The following LRCH2 variants were observed in gnomAD, a reference collection of about 807,000 sequenced individuals.
The protein encoded by LRCH2 is leucine rich repeats and calponin homology domain containing 2.
In LRCH2, 38 loss-of-function variants were observed where a neutral mutation model predicts 68.9. The ratio of observed to expected loss-of-function variants is 0.55; its 90% CI spans 0.43 to 0.72. LRCH2 has a LOEUF of 0.72. Among genes scored for constraint, LRCH2 ranks in the 30% least tolerant of loss-of-function variants. The probability of loss-of-function intolerance (pLI) is 0.00; values close to 1 mark genes in which losing one functional copy is unlikely to be tolerated. For missense variants in LRCH2, 528 were observed against 572.9 expected, an observed-to-expected ratio of 0.92 and a Z score of 0.80; for synonymous variants, 191 against 208.1, an observed-to-expected ratio of 0.92 and a Z score of 0.71.
intron 20 of LRCH2, among the ~76,000 whole-genome samples, chrX:115,116,414 C>A (rs1411351989): frequency 9.0e-6 from 1 of 110,650 alleles, no homozygotes. Context: ...AATGGATGAA[C>A]CTTGGAAAAA....
intron 14 of LRCH2, among the ~76,000 whole-genome samples, chrX:115,136,201 C>T (rs1251770823): frequency 9.0e-6 from 1 of 111,620 alleles, no homozygotes; most frequent in Non-Finnish European, 1.9e-5. Context: ...AGGACTGGAA[C>T]ACAAGTGGTT....
intron 11 of LRCH2, among the ~76,000 whole-genome samples, chrX:115,161,660 T>C (rs1211859141): frequency 9.0e-6 from 1 of 111,264 alleles, no homozygotes; most frequent in Non-Finnish European, 1.9e-5. Flanking sequence ...AAAAATATTA[T>C]GTATTTACTA....
chrX:115,211,759 A>ACC (rs781895482), intron 1 of LRCH2, among the ~76,000 whole-genome samples: 9,632 of 109,512 alleles, frequency 0.088, 476 homozygotes, highest in Non-Finnish European at 0.14. Context: ...CAACATCCAC[A>ACC]CACCCCCCCA....
At position 115,146,902 on chromosome X, in the gene LRCH2, TACATAC is replaced by T. The variant is rs200926596; in HGVS notation, c.1695+2919_1695+2924del. Among the ~76,000 whole-genome samples the T allele has an allele frequency of 4.2e-3, 228 of 53,890 alleles. 2 individuals carry two copies. The highest frequency in any genetic ancestry group is 0.017 in the African/African-American group (217 of 12,632). 46.8% of individuals were successfully genotyped at this position (53,890 alleles called of 115,157 possible). On this transcript the variant is annotated intron_variant, in intron 14 of 20. Coordinates refer to ENST00000317135, the MANE Select transcript of LRCH2 (RefSeq NM_020871.4). ...AAGAAATACAGTTGGATTTCTTACA[TACATAC>T]ACACACACACACACACACACACACA...
At chrX:115,144,891 A>G (rs1556535546) in intron 14 of LRCH2, among the ~76,000 whole-genome samples, 1 of 112,075 alleles carries the variant, frequency 8.9e-6, no homozygotes, top group Non-Finnish European at 1.9e-5. Flanking sequence ...TATAGATTCA[A>G]TGCAATCCCT....
chrX:115,206,767 G>T (rs973203724), intron 1 of LRCH2, among the ~76,000 whole-genome samples: 5 of 109,879 alleles, frequency 4.6e-5, no homozygotes, highest in Non-Finnish European at 7.6e-5. Context: ...TAGCGCCGCT[G>T]GGTTAGGGTC....
At chrX:115,225,891 G>A (rs1271345366) in intron 1 of LRCH2, among the ~76,000 whole-genome samples, 3 of 111,932 alleles carry the variant, frequency 2.7e-5, no homozygotes, top group Non-Finnish European at 3.8e-5. Flanking sequence ...AGACTTCATC[G>A]AAATACCTTT....
intron 5 of LRCH2, among the ~76,000 whole-genome samples, chrX:115,178,202 G>A (rs1240722316): frequency 8.9e-6 from 1 of 111,873 alleles, no homozygotes; most frequent in Admixed American, 9.5e-5. Context: ...TTCTGCTGAT[G>A]CAAGTAAGGA....
intron 14 of LRCH2, chrX:115,139,066 TAAAC>T (rs1462309262): frequency 8.9e-6 from 1 of 111,998 alleles, no homozygotes; most frequent in Non-Finnish European, 1.9e-5. Context: ...GAGTGGAAAA[TAAAC>T]AAATGTGTAA....
chrX:115,153,820 A>G (rs1345362018), intron 12 of LRCH2, among the ~76,000 whole-genome samples: 4 of 111,273 alleles, frequency 3.6e-5, no homozygotes, highest in African/African-American at 1.3e-4. Context: ...AAATTTTTAA[A>G]TATAATTCAA....
At chrX:115,193,518 C>T (rs2147335752) in intron 1 of LRCH2, among the ~76,000 whole-genome samples, 1 of 112,032 alleles carries the variant, frequency 8.9e-6, no homozygotes, top group Non-Finnish European at 1.9e-5. Flanking sequence ...TGCAAGTACA[C>T]ACAAATATAC....
intron 14 of LRCH2, among the ~76,000 whole-genome samples, chrX:115,134,534 C>T (rs1456372178): frequency 8.9e-6 from 1 of 111,979 alleles, no homozygotes; most frequent in African/African-American, 3.2e-5. Flanking sequence ...GATTCCAAAA[C>T]TCCTAGGTCC....
intron 14 of LRCH2, among the ~76,000 whole-genome samples, chrX:115,137,644 A>G (rs782561781): frequency 8.9e-6 from 1 of 111,765 alleles, no homozygotes; most frequent in Non-Finnish European, 1.9e-5. Flanking sequence ...GGCTATTTCA[A>G]TGGAGAAATG....
chrX:115,129,670 G>C (rs929380779), intron 15 of LRCH2, among the ~76,000 whole-genome samples: 17 of 111,557 alleles, frequency 1.5e-4, no homozygotes, highest in African/African-American at 5.5e-4. Flanking sequence ...AAGTATTTAT[G>C]GTAATGAGAA....
At position 115,234,088 on chromosome X, in the gene LRCH2, C is replaced by A; in HGVS notation, c.-47G>T. Reference sequence around the variant, plus strand: ...CCCCGACAATACTGTCAGCCTGTGCCGCGAGTGTAAGGGGTTCTTAGGACG... The same window carrying A: ...CCCCGACAATACTGTCAGCCTGTGCAGCGAGTGTAAGGGGTTCTTAGGACG... On this transcript the variant is annotated 5_prime_UTR_variant, in exon 1 of 21. Coordinates refer to ENST00000317135, the MANE Select transcript of LRCH2 (RefSeq NM_020871.4). The A allele has an allele frequency of 8.7e-7, 1 of 1,144,477 alleles. No homozygotes were observed. The highest frequency in any genetic ancestry group is 1.2e-6 in the Non-Finnish European group (1 of 861,016). 94.3% of individuals were successfully genotyped at this position (1,144,477 alleles called of 1,213,427 possible). A position where few individuals can be genotyped will look rare whatever the true frequency, so the allele number is the denominator to read the frequency against.
intron 11 of LRCH2, among the ~76,000 whole-genome samples, chrX:115,162,118 G>A (rs909355939): frequency 3.7e-5 from 4 of 109,255 alleles, no homozygotes; most frequent in African/African-American, 1.0e-4. Context: ...ACGGGGTTTC[G>A]CCATGTTGCC....
intron 15 of LRCH2, among the ~76,000 whole-genome samples, chrX:115,129,662 G>A (rs959628682): frequency 1.8e-5 from 2 of 111,384 alleles, no homozygotes; most frequent in Admixed American, 1.9e-4. Context: ...CAAAACTTAA[G>A]TATTTATGGT....
intron 1 of LRCH2, chrX:115,192,065 G>A (rs1556560726): frequency 8.6e-7 from 1 of 1,166,826 alleles, no homozygotes; most frequent in Non-Finnish European, 1.1e-6. Context: ...CACAGCAGGG[G>A]CCGATCGCCC....
chrX:115,197,847 T>TCTCTCTCACA (rs782358260), intron 1 of LRCH2, among the ~76,000 whole-genome samples: 279 of 20,546 alleles, frequency 0.014, 12 homozygotes, highest in Non-Finnish European at 0.02. Flanking sequence ...TCTCTCTCTC[T>TCTCTCTCACA]CACACACACA....
Sources: gnomAD v4.1 joint callset for allele counts (sites outside exome capture counted in the v4.1 genomes callset) on GRCh38, gnomAD v4.1.1 for gene constraint, MANE v1.5 for transcripts, NCBI Gene and HGNC (gene_info 2026-07-23, HGNC 2026-07-21) for gene names.